Variants in HDAC9 observed in about 807,000 individuals in gnomAD.
HDAC9 encodes the protein histone deacetylase 9.
In HDAC9, 41 loss-of-function variants were observed where a neutral mutation model predicts 139.4. The observed-to-expected ratio is 0.29, with a 90% CI of 0.23 to 0.38. HDAC9 has a LOEUF of 0.38. Among genes scored for constraint, HDAC9 ranks in the 10% least tolerant of loss-of-function variants. HDAC9 has a pLI of 1.00. For synonymous variants in HDAC9, 517 were observed against 476.2 expected (o/e 1.09, Z -1.12); for missense variants, 1,147 against 1,297.0 (o/e 0.88, Z 1.78).
chr7:18,365,970 A>G (rs983924569), intron 1 of HDAC9, among the ~76,000 whole-genome samples: 6 of 150,624 alleles, frequency 4.0e-5, no homozygotes, highest in African/African-American at 7.3e-5. Flanking sequence ...TTTTCTGTCA[A>G]TTTCTTCTCT....
intron 12 of HDAC9, chr7:18,667,547 A>T (rs976539472): frequency 1.0e-6 from 1 of 985,208 alleles, no homozygotes; most frequent in Non-Finnish European, 1.2e-6. Flanking sequence ...AAATACAAAC[A>T]ACTTTGAAGG....
At chr7:18,175,334 T>A (rs182387963) in intron 2 of HDAC9, among the ~76,000 whole-genome samples, 3 of 152,206 alleles carry the variant, frequency 2.0e-5, no homozygotes, top group African/African-American at 7.2e-5. Flanking sequence ...TTTGGTTGGG[T>A]GGTGTCCCGT....
intron 12 of HDAC9, among the ~76,000 whole-genome samples, chr7:18,678,928 C>G (rs777104483): frequency 6.6e-6 from 1 of 151,868 alleles, no homozygotes; most frequent in Non-Finnish European, 1.5e-5. Flanking sequence ...CCTTTACACT[C>G]AACTTGGTTT....
intron 21 of HDAC9, among the ~76,000 whole-genome samples, chr7:18,855,979 A>G (rs1453688560): frequency 6.6e-6 from 1 of 152,128 alleles, no homozygotes; most frequent in African/African-American, 2.4e-5. Flanking sequence ...CTGCACTGGG[A>G]TAGATGTCTA....
intron 1 of HDAC9, among the ~76,000 whole-genome samples, chr7:18,384,780 A>C (rs1164950914): frequency 6.6e-6 from 1 of 152,118 alleles, no homozygotes. Flanking sequence ...AAAAAAAAAA[A>C]AAGGTTAAGT....
intron 2 of HDAC9, among the ~76,000 whole-genome samples, chr7:18,550,851 G>A (rs1057063645): frequency 2.0e-5 from 3 of 152,150 alleles, no homozygotes; most frequent in Non-Finnish European, 4.4e-5. Flanking sequence ...GGCTTTTGAA[G>A]GTGTTGGTTT....
chr7:18,162,712 T>C (rs1378239142), intron 2 of HDAC9: 1 of 186,762 alleles, frequency 5.4e-6, no homozygotes, highest in Non-Finnish European at 1.1e-5. Context: ...TTTTAAATTA[T>C]ACTGTGGGGC....
intron 2 of HDAC9, among the ~76,000 whole-genome samples, chr7:18,202,761 C>T (rs367920556): frequency 5.8e-4 from 88 of 152,232 alleles, no homozygotes; most frequent in African/African-American, 1.9e-3. Context: ...TGTCAAGTAT[C>T]TGTTATAGTG....
chr7:18,528,858 C>T (rs991875737), intron 2 of HDAC9, among the ~76,000 whole-genome samples: 1 of 152,078 alleles, frequency 6.6e-6, no homozygotes, highest in Non-Finnish European at 1.5e-5. Flanking sequence ...TAACAATTTC[C>T]TGCCCAGTCT....
At chr7:18,916,372 A>G (rs1439828783) in intron 22 of HDAC9, among the ~76,000 whole-genome samples, 1 of 152,040 alleles carries the variant, frequency 6.6e-6, no homozygotes, top group Non-Finnish European at 1.5e-5. Flanking sequence ...AGTTTTACAA[A>G]TGAGAAAGTG....
At chr7:18,863,559 CT>C (rs1429402585) in intron 21 of HDAC9, among the ~76,000 whole-genome samples, 1 of 152,168 alleles carries the variant, frequency 6.6e-6, no homozygotes, top group African/African-American at 2.4e-5. Context: ...TTGGGCACCC[CT>C]GTTTGGACAC....
chr7:18,841,094 G>T (rs1796553990), intron 21 of HDAC9, among the ~76,000 whole-genome samples: 2 of 151,958 alleles, frequency 1.3e-5, no homozygotes, highest in Admixed American at 1.3e-4. Flanking sequence ...ACATAAATAA[G>T]TTAAATATAT....
intron 1 of HDAC9, among the ~76,000 whole-genome samples, chr7:18,297,331 T>G (rs765368400): frequency 2.0e-5 from 3 of 152,112 alleles, no homozygotes; most frequent in Non-Finnish European, 4.4e-5. Flanking sequence ...TATGTTATGG[T>G]AGGGGATTAT....
In HDAC9 at chr7:18,604,420, T is replaced by A. The variant is rs1038335441; in HGVS notation, c.664+10391T>A. Among the ~76,000 whole-genome samples, 25 of 152,062 alleles carry A rather than the reference T, an allele frequency of 1.6e-4. 1 individual carries two copies. Among genetic ancestry groups the A allele is most frequent in the Admixed American group, 3.3e-4 (5 of 15,282 alleles). On this transcript the variant is annotated intron_variant, in intron 6 of 25. Coordinates refer to ENST00000686413, the MANE Select transcript of HDAC9 (RefSeq NM_178425.4). ...GAGCACATTTGGACCTTTTTTTTTT[T>A]TCTTGAGACGGAGTCTTGCTCTGTC...
At chr7:18,398,206 G>A (rs1244121184) in intron 1 of HDAC9, among the ~76,000 whole-genome samples, 2 of 152,050 alleles carry the variant, frequency 1.3e-5, no homozygotes, top group South Asian at 2.1e-4. Flanking sequence ...TCAACTAACA[G>A]TATTTCAAAA....
intron 13 of HDAC9, among the ~76,000 whole-genome samples, chr7:18,746,577 A>C (rs1440455052): frequency 6.6e-6 from 1 of 152,266 alleles, no homozygotes; most frequent in Non-Finnish European, 1.5e-5. Flanking sequence ...AAAAGGTAGA[A>C]GATTAAACAA....
intron 17 of HDAC9, among the ~76,000 whole-genome samples, chr7:18,817,419 A>C (rs1794656197): frequency 6.6e-6 from 1 of 152,172 alleles, no homozygotes; most frequent in African/African-American, 2.4e-5. Context: ...AAAAAACCCA[A>C]AGAGGGTTCA....
In HDAC9 at chr7:18,653,659, TC is replaced by T. The variant is rs1405762214; in HGVS notation, c.1467+4977del. ...TAAGACAAGACCAGTAAATGTGAGG[TC>T]AAGCAGATGTACTGTGTTGCCCTTA... On this transcript the variant is annotated intron_variant, in intron 11 of 25. Coordinates refer to ENST00000686413, the MANE Select transcript of HDAC9 (RefSeq NM_178425.4). Among the ~76,000 whole-genome samples, 5 of 152,108 alleles carry T rather than the reference TC, an allele frequency of 3.3e-5. No individual in the cohort carries two copies. In the South Asian group the frequency reaches 6.2e-4, roughly 19 times the overall value.
intron 1 of HDAC9, among the ~76,000 whole-genome samples, chr7:18,097,796 T>C (rs1782605850): frequency 1.3e-5 from 2 of 152,064 alleles, no homozygotes; most frequent in South Asian, 4.1e-4. Flanking sequence ...AGGCTGGTCT[T>C]GAACTTCTGG....
Sources: allele counts gnomAD v4.1 joint callset (sites outside exome capture counted in the v4.1 genomes callset), GRCh38; gene constraint gnomAD v4.1.1; transcripts MANE v1.5; gene names NCBI Gene and HGNC (gene_info 2026-07-23, HGNC 2026-07-21).